Variants in ZSCAN2 observed in about 807,000 individuals in gnomAD.
The protein encoded by ZSCAN2 is zinc finger and SCAN domain-containing protein 2.
ZSCAN2 carries 26 observed loss-of-function variants against 47.8 expected under a neutral mutation model. The observed-to-expected ratio is 0.54, with a 90% confidence interval of 0.40 to 0.75. The LOEUF (loss-of-function observed/expected upper bound fraction) is 0.75. Ranked by LOEUF, ZSCAN2 falls within the 30% of genes least tolerant of loss-of-function variation. The pLI is 0.00. For synonymous variants in ZSCAN2, 305 were observed against 288.7 expected (o/e 1.06, Z -0.57); for missense variants, 732 against 785.4 (o/e 0.93, Z 0.81).
rs371357633 is a variant in ZSCAN2 at position 84,604,025 on chromosome 15, T to C, written c.98T>C (p.Met33Thr). 49 of 1,613,960 alleles carry C rather than the reference T, an allele frequency of 3.0e-5. No homozygotes were observed. Among genetic ancestry groups the C allele is most frequent in the Non-Finnish European group, 4.0e-5 (47 of 1,180,024 alleles). Reference protein sequence around the residue: ...EDRQEEEVTTMILEDDSWVQE... With the variant: ...EDRQEEEVTTTILEDDSWVQE... ...AGACAGGAGGAGGAGGTCACCACCA[T>C]GATCCTGGAGGATGACTCCTGGGTG... The change falls in exon 2 of 3, where the codon ATG becomes ACG. Residue 33 changes from methionine (M) to threonine (T), a missense_variant. Coordinates refer to ENST00000546148, the MANE Select transcript of ZSCAN2 (RefSeq NM_181877.4).
intron 2 of ZSCAN2, among the ~76,000 whole-genome samples, chr15:84,617,004 C>T (rs544146754): frequency 6.6e-6 from 1 of 152,098 alleles, no homozygotes; most frequent in Non-Finnish European, 1.5e-5. Flanking sequence ...TGCCTGTAAT[C>T]CCAGTTAATT....
chr15:84,610,486 TTC>T (rs777455258), intron 2 of ZSCAN2, among the ~76,000 whole-genome samples: 36 of 121,300 alleles, frequency 3.0e-4, no homozygotes, highest in African/African-American at 8.5e-4. Flanking sequence ...CTTTCTTTCT[TTC>T]TTTTTTTTTT....
chr15:84,622,648 A>G lies in ZSCAN2; in HGVS notation c.*608A>G, dbSNP rs1390617898. The G allele has an allele frequency of 1.4e-6, 1 of 717,494 alleles. No homozygotes were observed. Among genetic ancestry groups the G allele is most frequent in the East Asian group, 2.7e-5 (1 of 37,294 alleles). 44.4% of individuals were successfully genotyped at this position (717,494 alleles called of 1,614,324 possible). A position where few individuals can be genotyped will look rare whatever the true frequency, so the allele number is the denominator to read the frequency against. On this transcript the variant is annotated 3_prime_UTR_variant, in exon 3 of 3. Transcript: ENST00000546148. ...GTAAAGACCCTTTCTATTTCCAGAA[A>G]GTGTCAGGAGCACAGAAACTTGAGG...
In ZSCAN2 at chr15:84,621,476, C is replaced by T; in HGVS notation, c.1281C>T (p.Phe427=). The change falls in exon 3 of 3, where the codon TTC becomes TTT. Residue 427 remains phenylalanine, a synonymous_variant. Coordinates refer to ENST00000546148, the MANE Select transcript of ZSCAN2 (RefSeq NM_181877.4). This position sits in a 1 kb window ranked among gnomAD's most constrained non-coding sequence, Gnocchi z 5.7. The stretch of plus-strand genomic sequence containing the variant: ...AGTGCAGCGAGTGTGGGAAAAGCTT[C>T]AGCCGCAGCTCTAACCTGGCCACAC... ...PYQCSECGKS[F]SRSSNLATHR... 1 of 1,614,068 alleles carries T rather than the reference C, an allele frequency of 6.2e-7. No homozygotes were observed. Among genetic ancestry groups the T allele is most frequent in the Non-Finnish European group, 8.5e-7 (1 of 1,180,002 alleles).
Position 84,620,919 on chromosome 15 carries a change from A to G in ZSCAN2, c.724A>G (p.Arg242Gly). Residue 242 changes from arginine (R) to glycine (G), a missense_variant, in exon 3 of 3, where the codon AGG becomes GGG. By Grantham distance (125) the Arg-to-Gly change is moderately radical (BLOSUM62 -2). Coordinates refer to ENST00000546148, the MANE Select transcript of ZSCAN2 (RefSeq NM_181877.4). ...GAAATCCCACCTCATCACACACGAG[A>G]GGACCCACACAGGAGAGAAATACTA... Reference protein sequence around the residue: ...SRKSHLITHERTHTGEKYYKC... With the variant: ...SRKSHLITHEGTHTGEKYYKC... 1 of 1,614,200 alleles carries G rather than the reference A, an allele frequency of 6.2e-7. No homozygotes were observed. The highest frequency in any genetic ancestry group is 8.5e-7 in the Non-Finnish European group (1 of 1,180,034).
intron 2 of ZSCAN2, 54 bp from the exon 3 acceptor site, chr15:84,620,548 G>T: frequency 6.3e-5 from 89 of 1,405,940 alleles, no homozygotes; most frequent in East Asian, 9.9e-5. Flanking sequence ...GTTTTCTTTT[G>T]TCATCATGAC....
chr15:84,622,881 C>T lies in ZSCAN2; in HGVS notation c.*841C>T. 1 of 585,840 alleles carries T rather than the reference C, an allele frequency of 1.7e-6. No individual in the cohort carries two copies. Among genetic ancestry groups the T allele is most frequent in the Non-Finnish European group, 3.1e-6 (1 of 322,726 alleles). The allele number at this position is 585,840 out of a possible 1,614,324, so 36.3% of individuals were successfully genotyped here. ...AGTGAAGTCCGAGAGCCCTAGCTGC[C>T]AACCCATGGTGGATGGTAACTTCTG... On this transcript the variant is annotated 3_prime_UTR_variant, in exon 3 of 3. Transcript: ENST00000546148.
intron 2 of ZSCAN2, among the ~76,000 whole-genome samples, chr15:84,613,825 G>T (rs1895620789): frequency 6.6e-6 from 1 of 151,670 alleles, no homozygotes; most frequent in Non-Finnish European, 1.5e-5. Flanking sequence ...GGGATTACAG[G>T]CATGTACCAC....
At chr15:84,617,430 C>CA (rs148707539) in intron 2 of ZSCAN2, among the ~76,000 whole-genome samples, 92 of 141,150 alleles carry the variant, frequency 6.5e-4, no homozygotes, top group Middle Eastern at 7.1e-3. Context: ...AGTGAGACTC[C>CA]AAAAAAAAAA....
In ZSCAN2 at chr15:84,621,917, T is replaced by C; in HGVS notation, c.1722T>C (p.Ile574=). 2 of 1,613,788 alleles carry C rather than the reference T, an allele frequency of 1.2e-6. No homozygotes were observed. Among genetic ancestry groups the C allele is most frequent in the Non-Finnish European group, 1.7e-6 (2 of 1,179,930 alleles). Residue 574 remains isoleucine, a synonymous_variant, in exon 3 of 3, where the codon ATT becomes ATC. Coordinates refer to ENST00000546148, the MANE Select transcript of ZSCAN2 (RefSeq NM_181877.4). This position sits in a 1 kb window ranked among gnomAD's most constrained non-coding sequence, Gnocchi z 5.7. ...GCTTTAGCTGGAACTCAGTCCTCAT[T>C]ATACATCAGCGAATCCACACTGGGG... ...GKGFSWNSVL[I]IHQRIHTGEK... is the part of the protein sequence containing the mutation.
At chr15:84,614,006 T>TTTC (rs57369477) in intron 2 of ZSCAN2, among the ~76,000 whole-genome samples, 8,970 of 113,886 alleles carry the variant, frequency 0.079, 419 homozygotes, top group East Asian at 0.16. Context: ...TTTTTTTTTT[T>TTTC]CAGAGACAGA....
At chr15:84,615,622 G>T (rs897796887) in intron 2 of ZSCAN2, among the ~76,000 whole-genome samples, 2 of 152,172 alleles carry the variant, frequency 1.3e-5, no homozygotes, top group African/African-American at 2.4e-5. Flanking sequence ...GAGCCAACGC[G>T]CCTGGCCCTC....
rs574593727 is a variant in ZSCAN2, at chr15:84,616,983, A to G, written c.407-3619A>G. ...ACTAAAAATACAAAATTAGCCAGCC[A>G]TGGTGGCACATGCCTGTAATCCCAG... On this transcript the variant is annotated intron_variant, in intron 2 of 2. Transcript: ENST00000546148. 2.3e-3 allele frequency among the ~76,000 whole-genome samples: 346 copies of G among 152,204 alleles called. 3 individuals are homozygous for G. The highest frequency in any genetic ancestry group is 4.1e-3 in the Non-Finnish European group (282 of 68,014).
intron 2 of ZSCAN2, chr15:84,606,415 A>G (rs1170210640): frequency 6.1e-6 from 5 of 814,020 alleles, no homozygotes; most frequent in South Asian, 5.7e-5. Context: ...CTCTTTCTGC[A>G]TGGAGATCTC....
intron 2 of ZSCAN2, among the ~76,000 whole-genome samples, chr15:84,619,172 C>T (rs947843020): frequency 3.9e-5 from 6 of 152,196 alleles, no homozygotes; most frequent in African/African-American, 1.4e-4. Flanking sequence ...TGGCTCACGC[C>T]TGTAATCCCA....
At position 84,619,811 on chromosome 15, in the gene ZSCAN2, G is replaced by C. The variant is rs576710591; in HGVS notation, c.407-791G>C. Among the ~76,000 whole-genome samples, 10 of 152,050 alleles carry C rather than the reference G, an allele frequency of 6.6e-5. No individual in the cohort carries two copies. In the East Asian group the frequency reaches 1.9e-3, roughly 29 times the overall value. On this transcript the variant is annotated intron_variant, in intron 2 of 2. Transcript: ENST00000546148. The stretch of plus-strand genomic sequence containing the variant: ...TTCCCACCTGACCTCATTTTCAGAT[G>C]AAGACACAGGTAGTGGGGACATGGA...
At chr15:84,606,819 C>A in intron 2 of ZSCAN2, 1 of 1,268,054 alleles carries the variant, frequency 7.9e-7, no homozygotes, top group South Asian at 2.2e-5. Context: ...TTGTCTGTCC[C>A]TGACTTCTGC....
intron 1 of ZSCAN2, among the ~76,000 whole-genome samples, chr15:84,601,742 C>T (rs1452900146): frequency 6.6e-6 from 1 of 151,920 alleles, no homozygotes; most frequent in Non-Finnish European, 1.5e-5. Context: ...GACTGGGTCT[C>T]ACTCTGTTGC....
chr15:84,614,825 CT>C (rs1895652061), intron 2 of ZSCAN2: 1 of 152,048 alleles, frequency 6.6e-6, no homozygotes, highest in Admixed American at 6.6e-5. Flanking sequence ...TTTCTTTCCC[CT>C]TGTAAGTGAT....
Sources: allele counts gnomAD v4.1 joint callset (sites outside exome capture counted in the v4.1 genomes callset), GRCh38; gene constraint gnomAD v4.1.1; non-coding constraint Gnocchi (gnomAD v3.1); transcripts MANE v1.5; gene names NCBI Gene and HGNC (gene_info 2026-07-23, HGNC 2026-07-21).